Variants in SRBD1 observed in about 807,000 individuals in gnomAD.
SRBD1 encodes S1 RNA-binding domain-containing protein 1.
A neutral mutation model predicts 115.3 loss-of-function variants in SRBD1; 88 were observed. The ratio of observed to expected loss-of-function variants is 0.76; its 90% CI spans 0.64 to 0.91. The LOEUF (loss-of-function observed/expected upper bound fraction) is 0.91. SRBD1 is among the 40% of genes least tolerant of loss of function. The probability of loss-of-function intolerance (pLI) is 0.00; values close to 1 mark genes in which losing one functional copy is unlikely to be tolerated. For missense variants in SRBD1, 1,385 were observed against 1,177.4 expected, an observed-to-expected ratio of 1.18 and a Z score of -2.58; for synonymous variants, 509 against 407.7, an observed-to-expected ratio of 1.25 and a Z score of -2.99.
rs115167897 is a variant in SRBD1 at position 45,414,869 on chromosome 2, C to T, written c.2334-1576G>A. Among the ~76,000 whole-genome samples the T allele has an allele frequency of 2.7e-4, 37 of 135,334 alleles. 1 individual carries two copies. Among genetic ancestry groups the T allele is most frequent in the African/African-American group, 9.6e-4 (31 of 32,458 alleles). 88.8% of individuals were successfully genotyped at this position (135,334 alleles called of 152,430 possible). On this transcript the variant is annotated intron_variant, in intron 18 of 20. Transcript: ENST00000263736. ...ATATAGTGTGTATATAGTATGTACA[C>T]ACAATATAGTGTGTATATAGTATGT...
intron 16 of SRBD1, among the ~76,000 whole-genome samples, chr2:45,431,423 G>A (rs1241858668): frequency 6.6e-6 from 1 of 152,146 alleles, no homozygotes; most frequent in Non-Finnish European, 1.5e-5. Flanking sequence ...TAAAGAAAAT[G>A]TGGCACCATG....
intron 16 of SRBD1, among the ~76,000 whole-genome samples, chr2:45,471,194 T>C (rs1444907890): frequency 6.6e-6 from 1 of 152,168 alleles, no homozygotes; most frequent in Non-Finnish European, 1.5e-5. Flanking sequence ...ATATTCACTA[T>C]AGGGAGTTTG....
chr2:45,593,805 A>C (rs1673799253), intron 4 of SRBD1, among the ~76,000 whole-genome samples: 1 of 152,140 alleles, frequency 6.6e-6, no homozygotes, highest in Non-Finnish European at 1.5e-5. Context: ...ATTCTACTAC[A>C]CACACAAGTT....
At chr2:45,578,334 C>A (rs1397510244) in intron 7 of SRBD1, among the ~76,000 whole-genome samples, 1 of 152,110 alleles carries the variant, frequency 6.6e-6, no homozygotes, top group African/African-American at 2.4e-5. Flanking sequence ...AGTGTTGCAA[C>A]CATTTGGAAA....
chr2:45,416,024 G>C (rs977513060), intron 18 of SRBD1, among the ~76,000 whole-genome samples: 5 of 152,036 alleles, frequency 3.3e-5, no homozygotes, highest in Admixed American at 6.5e-5. Context: ...ATAAAGATGA[G>C]ATGGGAAAAC....
At chr2:45,469,630 A>G (rs1669588242) in intron 16 of SRBD1, among the ~76,000 whole-genome samples, 1 of 152,194 alleles carries the variant, frequency 6.6e-6, no homozygotes, top group Non-Finnish European at 1.5e-5. Context: ...CAACATAGGA[A>G]GCATAATTCA....
intron 14 of SRBD1, among the ~76,000 whole-genome samples, chr2:45,509,598 AAC>A (rs1179307941): frequency 0.053 from 6,620 of 125,440 alleles, 174 homozygotes; most frequent in African/African-American, 0.09. Context: ...TCCGTCTCAA[AAC>A]ACACACACAC....
chr2:45,586,387 C>G (rs1436946421), intron 4 of SRBD1, among the ~76,000 whole-genome samples: 1 of 152,046 alleles, frequency 6.6e-6, no homozygotes, highest in Non-Finnish European at 1.5e-5. Context: ...ATTTAAGAAT[C>G]TGAGGCAGCT....
At chr2:45,413,678 A>G (rs966593600) in intron 18 of SRBD1, among the ~76,000 whole-genome samples, 5 of 152,182 alleles carry the variant, frequency 3.3e-5, no homozygotes, top group African/African-American at 1.2e-4. Flanking sequence ...CTGTAATCCC[A>G]ACACTTTGGG....
intron 15 of SRBD1, among the ~76,000 whole-genome samples, chr2:45,482,589 G>A (rs545971770): frequency 6.7e-6 from 1 of 148,862 alleles, no homozygotes; most frequent in Non-Finnish European, 1.5e-5. Flanking sequence ...TCAAATCATG[G>A]AGAAAAACCT....
intron 14 of SRBD1, among the ~76,000 whole-genome samples, chr2:45,510,424 T>A (rs140202448): frequency 6.6e-6 from 1 of 152,232 alleles, no homozygotes; most frequent in Non-Finnish European, 1.5e-5. Flanking sequence ...TGGAAAGCTA[T>A]GTTTTTCTCA....
At chr2:45,555,961 T>C (rs997151927) in intron 10 of SRBD1, among the ~76,000 whole-genome samples, 23 of 152,172 alleles carry the variant, frequency 1.5e-4, no homozygotes, top group African/African-American at 5.6e-4. Flanking sequence ...AACAAAATAT[T>C]AATTAATATT....
chr2:45,400,355 G>A (rs1192928779), intron 19 of SRBD1, among the ~76,000 whole-genome samples: 1 of 152,056 alleles, frequency 6.6e-6, no homozygotes, highest in East Asian at 1.9e-4. Flanking sequence ...AAGAAAAAAA[G>A]GAGAAGGACA....
chr2:45,540,207 G>C (rs938355715), intron 14 of SRBD1, among the ~76,000 whole-genome samples: 1 of 152,064 alleles, frequency 6.6e-6, no homozygotes, highest in African/African-American at 2.4e-5. Context: ...TGGGCATGGT[G>C]GCAGGCGCCT....
intron 14 of SRBD1, among the ~76,000 whole-genome samples, chr2:45,509,933 C>T (rs1670916396): frequency 6.6e-6 from 1 of 152,130 alleles, no homozygotes; most frequent in South Asian, 2.1e-4. Context: ...CAAGGTCTCA[C>T]TACGTTGCCC....
Position 45,540,340 on chromosome 2 carries a change from TAA to T in SRBD1, c.1874+6390_1874+6391del, listed in dbSNP as rs755106184. 8.2e-3 allele frequency among the ~76,000 whole-genome samples: 1,073 copies of T among 130,092 alleles called. 14 individuals are homozygous for T. The highest frequency in any genetic ancestry group is 0.029 in the African/African-American group (1,016 of 35,632). 85.3% of individuals were successfully genotyped at this position (130,092 alleles called of 152,430 possible). On this transcript the variant is annotated intron_variant, in intron 14 of 20. Transcript: ENST00000263736. ...TGGGCGACAGAGAGAGAGTCCATCT[TAA>T]AAAAAAAAAAAAAAAATTAAATGAG...
chr2:45,581,648 C>T, intron 6 of SRBD1, 45 bp downstream of exon 6: 1 of 1,446,986 alleles, frequency 6.9e-7, no homozygotes, highest in Non-Finnish European at 9.5e-7. Context: ...ACCCAAATTG[C>T]AATATATTCA....
chr2:45,502,718 T>C (rs1177713298), intron 14 of SRBD1, among the ~76,000 whole-genome samples: 4 of 151,856 alleles, frequency 2.6e-5, no homozygotes, highest in African/African-American at 7.3e-5. Flanking sequence ...CATTAGGATA[T>C]ACCTAATGTA....
At chr2:45,578,298 T>C (rs3770300) in intron 7 of SRBD1, among the ~76,000 whole-genome samples, 7,034 of 152,308 alleles carry the variant, frequency 0.046, 243 homozygotes, top group East Asian at 0.15. Flanking sequence ...TGCTTAGCTA[T>C]AGTCTTAGCT....
Sources: allele counts gnomAD v4.1 joint callset (sites outside exome capture counted in the v4.1 genomes callset), GRCh38; gene constraint gnomAD v4.1.1; transcripts MANE v1.5; gene names NCBI Gene and HGNC (gene_info 2026-07-23, HGNC 2026-07-21).